Variants in CACNA2D1 observed in about 807,000 individuals in gnomAD.
The protein encoded by CACNA2D1 is voltage-dependent calcium channel subunit alpha-2/delta-1.
In CACNA2D1, 53 loss-of-function variants were observed where a neutral mutation model predicts 171.5. That is an observed-to-expected ratio of 0.31 (90% CI 0.25 to 0.39). CACNA2D1 has a LOEUF of 0.39. Among genes scored for constraint, CACNA2D1 ranks in the 10% least tolerant of loss-of-function variants. The probability of loss-of-function intolerance (pLI) is 1.00; values close to 1 mark genes in which losing one functional copy is unlikely to be tolerated. For missense variants in CACNA2D1, 903 were observed against 1,299.8 expected, an observed-to-expected ratio of 0.69 and a Z score of 4.69; for synonymous variants, 442 against 443.1, an observed-to-expected ratio of 1.00 and a Z score of 0.03.
At chr7:82,386,735 A>AAAAT (rs200338716) in intron 1 of CACNA2D1, among the ~76,000 whole-genome samples, 16,158 of 146,160 alleles carry the variant, frequency 0.11, 977 homozygotes, top group East Asian at 0.17. Flanking sequence ...CTCTGTCTCA[A>AAAAT]AAATAAATAA....
intron 1 of CACNA2D1, among the ~76,000 whole-genome samples, chr7:82,384,003 C>T (rs1824015544): frequency 6.6e-6 from 1 of 152,148 alleles, no homozygotes; most frequent in African/African-American, 2.4e-5. Context: ...ATATGAGGTA[C>T]ATTTCCACCA....
At chr7:82,066,982 C>T (rs1807713220) in intron 7 of CACNA2D1, among the ~76,000 whole-genome samples, 1 of 152,024 alleles carries the variant, frequency 6.6e-6, no homozygotes, top group African/African-American at 2.4e-5. Flanking sequence ...TTTACTCAGT[C>T]CATGGTAAAA....
intron 3 of CACNA2D1, among the ~76,000 whole-genome samples, chr7:82,280,928 A>AT (rs34232980): frequency 1.3e-5 from 2 of 152,210 alleles, no homozygotes; most frequent in Non-Finnish European, 2.9e-5. Context: ...TTTGGAATCC[A>AT]TTTTAGTGTA....
At chr7:82,343,067 A>G (rs1333230132) in intron 2 of CACNA2D1, 1 of 152,198 alleles carries the variant, frequency 6.6e-6, no homozygotes, top group African/African-American at 2.4e-5. Flanking sequence ...ATATACACAC[A>G]TATATAAATG....
chr7:82,056,254 C>A (rs183592034), intron 10 of CACNA2D1, among the ~76,000 whole-genome samples: 4 of 151,806 alleles, frequency 2.6e-5, no homozygotes, highest in Non-Finnish European at 4.4e-5. Flanking sequence ...CTCATGGACT[C>A]CTATACAGTT....
chr7:81,955,882 A>G (rs1440549740), intron 38 of CACNA2D1, among the ~76,000 whole-genome samples: 1 of 100,636 alleles, frequency 9.9e-6, no homozygotes, highest in African/African-American at 4.1e-5. Flanking sequence ...GGAAAGTACC[A>G]TAATAGGAAA....
At chr7:82,134,842 T>C (rs1791419004) in intron 5 of CACNA2D1, among the ~76,000 whole-genome samples, 1 of 152,138 alleles carries the variant, frequency 6.6e-6, no homozygotes, top group Non-Finnish European at 1.5e-5. Flanking sequence ...GTATTACAAA[T>C]AGTAACACGT....
chr7:82,127,659 CA>C (rs1040780259), intron 5 of CACNA2D1, among the ~76,000 whole-genome samples: 1 of 151,854 alleles, frequency 6.6e-6, no homozygotes, highest in Non-Finnish European at 1.5e-5. Context: ...TTGCTACCTA[CA>C]AAAAAACAAG....
At chr7:82,192,352 T>C (rs1357170621) in intron 3 of CACNA2D1, among the ~76,000 whole-genome samples, 5 of 150,812 alleles carry the variant, frequency 3.3e-5, no homozygotes, top group Non-Finnish European at 7.4e-5. Flanking sequence ...GCTTAGAAAC[T>C]CATTCAGAAC....
rs75872745 is a variant in CACNA2D1 at position 82,310,772 on chromosome 7, T to C, written c.294+24363A>G. Among the ~76,000 whole-genome samples the C allele has an allele frequency of 6.6e-5, 10 of 152,268 alleles. No individual in the cohort carries two copies. In the East Asian group the frequency reaches 1.7e-3, roughly 26 times the overall value. Reference sequence around the variant, plus strand: ...ACAGTAAAGGTTTTTGTTTTTGAAATCTTTTAATTATCACTTTGGCTAAAT... The same window carrying C: ...ACAGTAAAGGTTTTTGTTTTTGAAACCTTTTAATTATCACTTTGGCTAAAT... On this transcript the variant is annotated intron_variant, in intron 3 of 38. Coordinates refer to ENST00000356860, the MANE Select transcript of CACNA2D1 (RefSeq NM_000722.4).
intron 3 of CACNA2D1, among the ~76,000 whole-genome samples, chr7:82,317,555 C>T (rs996648985): frequency 6.6e-6 from 1 of 152,128 alleles, no homozygotes; most frequent in African/African-American, 2.4e-5. Context: ...TGACTAAAAC[C>T]TAGTAACTTT....
chr7:82,156,933 T>C (rs571311137), intron 4 of CACNA2D1, among the ~76,000 whole-genome samples: 4 of 152,284 alleles, frequency 2.6e-5, no homozygotes, highest in Non-Finnish European at 4.4e-5. Flanking sequence ...ATGTTTTATA[T>C]TCTTTGAAAT....
Position 81,947,335 on chromosome 7 carries a change from T to G in CACNA2D1, c.*3057A>C, listed in dbSNP as rs527904063. 5 of 151,686 alleles carry G rather than the reference T, an allele frequency of 3.3e-5. No homozygotes were observed. The highest frequency in any genetic ancestry group is 4.1e-4 in the South Asian group (2 of 4,822). The allele number at this position is 151,686 out of a possible 1,614,324, so 9.4% of individuals were successfully genotyped here. ...GCAGGAACACTGTTTTTTGTTTTTTTTTTTCCCAAGTTAAGCAGTAACACC... is the reference window on the plus strand; with the variant it reads ...GCAGGAACACTGTTTTTTGTTTTTTGTTTTCCCAAGTTAAGCAGTAACACC... On this transcript the variant is annotated 3_prime_UTR_variant, in exon 39 of 39. Transcript: ENST00000356860.
intron 1 of CACNA2D1, among the ~76,000 whole-genome samples, chr7:82,399,770 A>G (rs1027799855): frequency 1.1e-4 from 16 of 150,030 alleles, no homozygotes; most frequent in African/African-American, 3.9e-4. Flanking sequence ...AAAAAAAACT[A>G]AACAGTTCAA....
At chr7:82,377,663 A>T (rs552428648) in intron 1 of CACNA2D1, among the ~76,000 whole-genome samples, 134 of 152,290 alleles carry the variant, frequency 8.8e-4, no homozygotes, top group Middle Eastern at 3.4e-3. Context: ...GGAACCCTTT[A>T]AAGGACAGAT....
intron 18 of CACNA2D1, among the ~76,000 whole-genome samples, chr7:82,002,660 G>A (rs1025196598): frequency 1.1e-4 from 16 of 151,990 alleles, no homozygotes; most frequent in African/African-American, 3.9e-4. Flanking sequence ...ATCTAATTAA[G>A]TAGACCTAAC....
chr7:82,036,061 C>T (rs986853140), intron 11 of CACNA2D1, among the ~76,000 whole-genome samples: 1 of 152,116 alleles, frequency 6.6e-6, no homozygotes, highest in South Asian at 2.1e-4. Context: ...TCTACCCCCA[C>T]ATTTCCTCTA....
chr7:82,197,419 G>A (rs149002036), intron 3 of CACNA2D1, among the ~76,000 whole-genome samples: 2,431 of 152,092 alleles, frequency 0.016, 69 homozygotes, highest in African/African-American at 0.05. Context: ...TCATGTATGT[G>A]CTACAACTTT....
intron 6 of CACNA2D1, among the ~76,000 whole-genome samples, chr7:82,099,776 G>C (rs1374770198): frequency 6.6e-6 from 1 of 152,122 alleles, no homozygotes; most frequent in Non-Finnish European, 1.5e-5. Flanking sequence ...AGGAAGGTAG[G>C]AGTGTGTGTG....
Sources: gnomAD v4.1 joint callset for allele counts (sites outside exome capture counted in the v4.1 genomes callset) on GRCh38, gnomAD v4.1.1 for gene constraint, MANE v1.5 for transcripts, NCBI Gene and HGNC (gene_info 2026-07-23, HGNC 2026-07-21) for gene names.